Variants in ZNF548 observed in about 807,000 individuals in gnomAD.
ZNF548 encodes the protein zinc finger protein 548.
Under a neutral mutation model 10.2 loss-of-function variants are expected in ZNF548, and 10 were observed. That is an observed-to-expected ratio of 0.98 (90% CI 0.60 to 1.66). ZNF548 has a LOEUF of 1.66. Ranked by LOEUF, ZNF548 falls within the 40% of genes most tolerant of loss-of-function variation. The pLI is 0.00. For missense variants in ZNF548, 599 were observed against 657.0 expected (o/e 0.91, Z 0.97); for synonymous variants, 217 against 223.5 (o/e 0.97, Z 0.26).
intron 1 of ZNF548, chr19:57,393,009 G>C (rs2088637837): frequency 1.0e-6 from 1 of 983,152 alleles, no homozygotes; most frequent in Non-Finnish European, 1.2e-6. Context: ...TGCACCTGCA[G>C]GCTTGGTTGA....
chr19:57,394,772 G>A (rs910372179), intron 2 of ZNF548, among the ~76,000 whole-genome samples: 5 of 152,184 alleles, frequency 3.3e-5, no homozygotes, highest in South Asian at 2.1e-4. Context: ...GTTGGTGGTG[G>A]CTTGTCAAGA....
chr19:57,392,368 A>C (rs1236144344), intron 1 of ZNF548, among the ~76,000 whole-genome samples: 1 of 152,104 alleles, frequency 6.6e-6, no homozygotes, highest in Admixed American at 6.5e-5. Context: ...TGCCTAGACC[A>C]ATGTCCAGAA....
Position 57,399,774 on chromosome 19 carries a change from A to C in ZNF548, c.1523A>C (p.Gln508Pro), listed in dbSNP as rs754819218. ...FIRKSHLVHH[Q>P]KIHSEERLVC... ...AGAAAGTCTCACCTGGTTCATCACC[A>C]GAAAATCCACAGTGAAGAGAGGCTT... The change falls in exon 4 of 4, where the codon CAG becomes CCG. Residue 508 changes from glutamine to proline, a missense_variant. Gln to Pro is a moderately conservative substitution (Grantham distance 76). Transcript: ENST00000336128. This position sits in a 1 kb window ranked among gnomAD's most constrained non-coding sequence, Gnocchi z 4.0. 6.2e-7 allele frequency: 1 copy of C among 1,614,146 alleles called. No homozygotes were observed. Among genetic ancestry groups the C allele is most frequent in the South Asian group, 1.1e-5 (1 of 91,084 alleles).
chr19:57,397,582 G>C (rs1231286942), intron 3 of ZNF548, among the ~76,000 whole-genome samples: 16 of 152,186 alleles, frequency 1.1e-4, no homozygotes, highest in African/African-American at 3.1e-4. Flanking sequence ...GGACTGCTGA[G>C]TTGACTATGC....
chr19:57,393,129 CAGGGGATGATCT>C (rs1447923936), intron 1 of ZNF548, among the ~76,000 whole-genome samples: 1 of 152,128 alleles, frequency 6.6e-6, no homozygotes, highest in Admixed American at 6.5e-5. Flanking sequence ...GTCAGGGCTA[CAGGGGATGATCT>C]ACTGCTCCAG....
At chr19:57,392,123 TTTG>T (rs1296928443) in intron 1 of ZNF548, among the ~76,000 whole-genome samples, 10 of 151,550 alleles carry the variant, frequency 6.6e-5, no homozygotes, top group Non-Finnish European at 1.0e-4. Context: ...AATGAGATTT[TTTG>T]TTGTTGTTTT....
chr19:57,396,556 A>G (rs1199746585), intron 2 of ZNF548, among the ~76,000 whole-genome samples: 1 of 152,190 alleles, frequency 6.6e-6, no homozygotes, highest in Non-Finnish European at 1.5e-5. Context: ...GTTTTAATTT[A>G]TGGATGTGAG....
intron 3 of ZNF548, 165 bp from the exon 4 acceptor site, chr19:57,398,265 C>G (rs973742864): frequency 7.3e-7 from 1 of 1,375,606 alleles, no homozygotes; most frequent in Non-Finnish European, 9.8e-7. Context: ...GGGGCCTTGC[C>G]AGGCCCAGCC....
chr19:57,399,139 C>T lies in ZNF548; in HGVS notation c.888C>T (p.Asn296=). The change falls in exon 4 of 4, where the codon AAC becomes AAT. Residue 296 remains asparagine (N), a synonymous_variant. Coordinates refer to ENST00000336128, the MANE Select transcript of ZNF548 (RefSeq NM_001172773.2). This position sits in a 1 kb window ranked among gnomAD's most constrained non-coding sequence, Gnocchi z 4.0. Reference sequence around the variant, plus strand: ...CTGGAGAAAGGCCTTATGAGTGCAACACATGTGGGAAATTCTTTCGGTACA... The same window carrying T: ...CTGGAGAAAGGCCTTATGAGTGCAATACATGTGGGAAATTCTTTCGGTACA... ...VHTGERPYEC[N]TCGKFFRYSS... The T allele has an allele frequency of 1.2e-6, 2 of 1,611,188 alleles. No individual in the cohort carries two copies. The highest frequency in any genetic ancestry group is 2.2e-5 in the East Asian group (1 of 44,660).
chr19:57,393,803 G>A (rs368538694), intron 1 of ZNF548, among the ~76,000 whole-genome samples: 1 of 151,642 alleles, frequency 6.6e-6, no homozygotes, highest in Admixed American at 6.6e-5. Flanking sequence ...AGTTAATATC[G>A]CATCCTCTAA....
Position 57,389,941 on chromosome 19 carries a change from C to T in ZNF548, c.-159C>T. 1.1e-6 allele frequency: 1 copy of T among 878,840 alleles called. No homozygotes were observed. The highest frequency in any genetic ancestry group is 1.7e-6 in the Non-Finnish European group (1 of 588,710). 54.4% of individuals were successfully genotyped at this position (878,840 alleles called of 1,614,324 possible). Reference sequence around the variant, plus strand: ...GGCCTATGGCTCTGTCTGACGTCACCGAAGTGACGGAACGGAAAAGCGCGA... The same window carrying T: ...GGCCTATGGCTCTGTCTGACGTCACTGAAGTGACGGAACGGAAAAGCGCGA... On this transcript the variant is annotated 5_prime_UTR_variant, in exon 1 of 4. Transcript: ENST00000336128.
rs1410102731 is a variant in ZNF548, at chr19:57,402,368, A to G, written c.*2479A>G. 6.6e-6 allele frequency: 1 copy of G among 152,188 alleles called. No individual in the cohort carries two copies. The highest frequency in any genetic ancestry group is 6.5e-5 in the Admixed American group (1 of 15,274). 9.4% of individuals were successfully genotyped at this position (152,188 alleles called of 1,614,324 possible). A position where few individuals can be genotyped will look rare whatever the true frequency, so the allele number is the denominator to read the frequency against. ...GCTGTATTCCAGCCCAAATTACTCA[A>G]ATTAGCCAATCCATGGGGAACATGG... On this transcript the variant is annotated 3_prime_UTR_variant, in exon 4 of 4. Coordinates refer to ENST00000336128, the MANE Select transcript of ZNF548 (RefSeq NM_001172773.2).
At chr19:57,390,992 A>C (rs1329037921) in intron 1 of ZNF548, 3 of 152,234 alleles carry the variant, frequency 2.0e-5, no homozygotes, top group Non-Finnish European at 2.9e-5. Flanking sequence ...TAAGGAGTCA[A>C]GTGCAGTTTT....
chr19:57,398,420 G>A lies in ZNF548; in HGVS notation c.179-10G>A. On this transcript the variant is annotated splice_polypyrimidine_tract_variant and intron_variant, in intron 3 of 3. Transcript: ENST00000336128. ...CAACATGCACTTCTCCAGCATTTCT[G>A]TTCTGACAGGTTCTTGGCATGGAGC... is the stretch of plus-strand genomic sequence containing the variant. 2 of 1,610,214 alleles carry A rather than the reference G, an allele frequency of 1.2e-6. No homozygotes were observed. Among genetic ancestry groups the A allele is most frequent in the Non-Finnish European group, 1.7e-6 (2 of 1,176,838 alleles).
In ZNF548 at chr19:57,399,625, A is replaced by G. The variant is rs1295051710; in HGVS notation, c.1374A>G (p.Glu458=). The G allele has an allele frequency of 6.2e-7, 1 of 1,614,160 alleles. No individual in the cohort carries two copies. Among genetic ancestry groups the G allele is most frequent in the South Asian group, 1.1e-5 (1 of 91,080 alleles). The part of the protein sequence containing the change: ...LIKHWRNHTG[E]RPYECRECGK... The stretch of plus-strand genomic sequence containing the variant: ...AACATTGGAGAAATCACACTGGAGA[A>G]AGGCCTTACGAGTGCAGAGAGTGTG... Residue 458 remains glutamate, a synonymous_variant, in exon 4 of 4, where the codon GAA becomes GAG. Transcript: ENST00000336128. This position sits in a 1 kb window ranked among gnomAD's most constrained non-coding sequence, Gnocchi z 4.0.
intron 1 of ZNF548, among the ~76,000 whole-genome samples, chr19:57,393,574 T>C (rs1474651426): frequency 1.3e-5 from 2 of 151,062 alleles, no homozygotes; most frequent in African/African-American, 4.9e-5. Flanking sequence ...GCAGGCGAAT[T>C]GCTTGAAAAC....
At chr19:57,398,224 A>G (rs765357027) in intron 3 of ZNF548, among the ~76,000 whole-genome samples, 4 of 152,144 alleles carry the variant, frequency 2.6e-5, no homozygotes, top group Non-Finnish European at 4.4e-5. Flanking sequence ...CCTCCCTTGT[A>G]TGCTTACCAT....
chr19:57,393,861 C>G (rs1353211380), intron 1 of ZNF548, among the ~76,000 whole-genome samples: 1 of 152,126 alleles, frequency 6.6e-6, no homozygotes, highest in Non-Finnish European at 1.5e-5. Flanking sequence ...CCCACTCTTT[C>G]ATTTGCATTG....
At chr19:57,396,600 G>C (rs912631292) in intron 2 of ZNF548, among the ~76,000 whole-genome samples, 1 of 152,246 alleles carries the variant, frequency 6.6e-6, no homozygotes, top group Non-Finnish European at 1.5e-5. Context: ...ATGACTGAAA[G>C]AAGATATTTA....
Sources: allele counts gnomAD v4.1 joint callset (sites outside exome capture counted in the v4.1 genomes callset), GRCh38; gene constraint gnomAD v4.1.1; non-coding constraint Gnocchi (gnomAD v3.1); transcripts MANE v1.5; gene names NCBI Gene and HGNC (gene_info 2026-07-23, HGNC 2026-07-21).